PADI2: variants seen among roughly 807,000 people sequenced by gnomAD.
PADI2 encodes protein-arginine deiminase type-2.
In PADI2, 70 loss-of-function variants were observed where a neutral mutation model predicts 81.1. The ratio of observed to expected loss-of-function variants is 0.86; its 90% CI spans 0.71 to 1.05. The LOEUF is 1.05. PADI2 is among the 50% of genes least tolerant of loss of function. PADI2 has a pLI of 0.00. For missense variants in PADI2, 853 were observed against 889.9 expected (o/e 0.96, Z 0.53); for synonymous variants, 338 against 358.0 (o/e 0.94, Z 0.63).
chr1:17,098,813 G>C (rs1053927738), intron 3 of PADI2, among the ~76,000 whole-genome samples: 5 of 152,232 alleles, frequency 3.3e-5, no homozygotes, highest in African/African-American at 4.8e-5. Context: ...CCCCTGCAAG[G>C]CTTCCCCCAA....
chr1:17,118,221 G>C (rs888805475), intron 1 of PADI2, among the ~76,000 whole-genome samples: 1 of 152,120 alleles, frequency 6.6e-6, no homozygotes, highest in Non-Finnish European at 1.5e-5. Flanking sequence ...GTGCCTCCGT[G>C]TGAGTTCAGC....
intron 13 of PADI2, 135 bp downstream of exon 13, chr1:17,074,721 C>T (rs1213669120): frequency 3.4e-6 from 2 of 594,454 alleles, no homozygotes; most frequent in East Asian, 2.9e-5. Context: ...ACCTCACAAA[C>T]CCCCGATCGG....
At chr1:17,112,523 T>TG (rs5772747) in intron 1 of PADI2, among the ~76,000 whole-genome samples, 1,760 of 145,714 alleles carry the variant, frequency 0.012, 35 homozygotes, top group African/African-American at 0.043. Context: ...TAGAGGAGTC[T>TG]GGGGGGGGGA....
chr1:17,109,790 C>G (rs1183921419), intron 1 of PADI2, among the ~76,000 whole-genome samples: 2 of 152,160 alleles, frequency 1.3e-5, no homozygotes, highest in Non-Finnish European at 2.9e-5. Flanking sequence ...CATGCCTGAC[C>G]CAGAGCCACT....
rs1176834487 is a variant in PADI2, at chr1:17,115,838, C to A, written c.92+3442G>T. Among the ~76,000 whole-genome samples, 1 of 152,250 alleles carries A rather than the reference C, an allele frequency of 6.6e-6. No homozygotes were observed. Among genetic ancestry groups the A allele is most frequent in the Non-Finnish European group, 1.5e-5 (1 of 68,040 alleles). On this transcript the variant is annotated intron_variant, in intron 1 of 15. Transcript: ENST00000375486. The surrounding 1 kb of genome is among the most constrained non-coding windows in gnomAD (Gnocchi z 4.1). ...AACAGCGAGTATCTTTAACAACAAT[C>A]ACAAAGTACAATTTCTAACAAACAC...
chr1:17,110,031 C>A (rs1931521049), intron 1 of PADI2, among the ~76,000 whole-genome samples: 1 of 152,200 alleles, frequency 6.6e-6, no homozygotes, highest in African/African-American at 2.4e-5. Context: ...TATTCCCCAG[C>A]ACCAGCCCTG....
chr1:17,117,594 C>G (rs550549144), intron 1 of PADI2, among the ~76,000 whole-genome samples: 1 of 152,226 alleles, frequency 6.6e-6, no homozygotes, highest in East Asian at 1.9e-4. Flanking sequence ...TAGAGGGAGG[C>G]TGAGTCCATA....
At chr1:17,117,294 T>G (rs761689627) in intron 1 of PADI2, among the ~76,000 whole-genome samples, 1 of 152,146 alleles carries the variant, frequency 6.6e-6, no homozygotes, top group Non-Finnish European at 1.5e-5. Context: ...CTTAATAATT[T>G]TTATATTGAT....
chr1:17,104,888 C>A lies in PADI2; in HGVS notation c.266G>T (p.Ser89Ile). The A allele has an allele frequency of 6.3e-7, 1 of 1,576,084 alleles. No homozygotes were observed. The change falls in exon 2 of 16, where the codon AGC becomes ATC. Residue 89 changes from serine (S) to isoleucine (I), a missense_variant. Ser to Ile is a moderately radical substitution (Grantham distance 142, BLOSUM62 -2). Transcript: ENST00000375486. Reference sequence around the variant, plus strand: ...TTCCCGCCGTGGTACCTTGTCACTGCTGGCCTCGGTGCTCGCCTGGCTCAT... The same window carrying A: ...TTCCCGCCGTGGTACCTTGTCACTGATGGCCTCGGTGCTCGCCTGGCTCAT... The part of the protein sequence containing the change: ...VTMSQASTEA[S>I]SDKVTVNYYD...
chr1:17,116,839 T>C (rs1335036392), intron 1 of PADI2, among the ~76,000 whole-genome samples: 1 of 152,174 alleles, frequency 6.6e-6, no homozygotes, highest in Non-Finnish European at 1.5e-5. Flanking sequence ...CCTCCTGTTA[T>C]CAATACTGGC....
chr1:17,085,913 T>C (rs1257777026), intron 7 of PADI2, among the ~76,000 whole-genome samples: 2 of 152,144 alleles, frequency 1.3e-5, no homozygotes, highest in Non-Finnish European at 2.9e-5. Context: ...GAAAGGTCTT[T>C]GTGATAGAGA....
At chr1:17,105,576 T>C (rs1203466853) in intron 1 of PADI2, among the ~76,000 whole-genome samples, 1 of 152,104 alleles carries the variant, frequency 6.6e-6, no homozygotes, top group East Asian at 1.9e-4. Flanking sequence ...GTGTTTTTAG[T>C]AGAGATGGGG....
At chr1:17,089,736 GC>G (rs1258447685) in intron 6 of PADI2, among the ~76,000 whole-genome samples, 3 of 152,176 alleles carry the variant, frequency 2.0e-5, no homozygotes, top group African/African-American at 7.2e-5. Flanking sequence ...CTGGCTCGGT[GC>G]AAACCCCACA....
rs764470165 is a variant in PADI2, at chr1:17,082,649, C to T, written c.1054G>A (p.Glu352Lys). The T allele has an allele frequency of 4.4e-6, 7 of 1,592,402 alleles. No homozygotes were observed. In the South Asian group the frequency reaches 6.7e-5, roughly 15 times the overall value. ...LNRGDRWIQDEIEFGYIEAPH... is the reference protein window; with the variant it reads ...LNRGDRWIQDKIEFGYIEAPH... Reference sequence around the variant, plus strand: ...GCCTCGATGTAGCCAAACTCAATTTCATCCTGCAGGGACACCAAGGAGAAC... The same window carrying T: ...GCCTCGATGTAGCCAAACTCAATTTTATCCTGCAGGGACACCAAGGAGAAC... The change falls in exon 10 of 16, where the codon GAA (glutamate) becomes AAA (lysine). Residue 352 changes from glutamate to lysine, a missense_variant. Transcript: ENST00000375486.
chr1:17,076,596 G>A (rs1191370872), intron 11 of PADI2, among the ~76,000 whole-genome samples: 1 of 151,040 alleles, frequency 6.6e-6, no homozygotes. Context: ...TTTGTTTTTT[G>A]TATTTTGAGA....
rs559526858 is a variant in PADI2 at position 17,071,556 on chromosome 1, G to T, written c.1550-65C>A. The T allele has an allele frequency of 3.1e-6, 4 of 1,301,454 alleles. No individual in the cohort carries two copies. In the African/African-American group the frequency reaches 5.8e-5, roughly 19 times the overall value. 80.6% of individuals were successfully genotyped at this position (1,301,454 alleles called of 1,614,324 possible). On this transcript the variant is annotated intron_variant, in intron 13 of 15. Coordinates refer to ENST00000375486, the MANE Select transcript of PADI2 (RefSeq NM_007365.3). ...TACCCAGGCTGAGTGTTCCCCTTTT[G>T]CCAAGATCCTCCAGGCCTGGGCTAA... is the stretch of plus-strand genomic sequence containing the variant.
At chr1:17,074,311 G>A (rs2078285561) in intron 13 of PADI2, among the ~76,000 whole-genome samples, 1 of 150,992 alleles carries the variant, frequency 6.6e-6, no homozygotes. Context: ...AGAATCGCTT[G>A]AACCTGGGAG....
intron 4 of PADI2, among the ~76,000 whole-genome samples, chr1:17,095,059 G>A (rs1196587291): frequency 6.6e-6 from 1 of 152,200 alleles, no homozygotes; most frequent in Non-Finnish European, 1.5e-5. Context: ...TACTTCGTAA[G>A]TACCCCTCTA....
At chr1:17,070,045 C>A (rs1197067970) in intron 15 of PADI2, 43 bp downstream of exon 15, 4 of 1,595,564 alleles carry the variant, frequency 2.5e-6, no homozygotes, top group Non-Finnish European at 3.4e-6. Context: ...TCTGGCTGCC[C>A]TGTACTGGCA....
Sources: gnomAD v4.1 joint callset for allele counts (sites outside exome capture counted in the v4.1 genomes callset) on GRCh38, gnomAD v4.1.1 for gene constraint, Gnocchi (gnomAD v3.1) non-coding constraint, MANE v1.5 for transcripts, NCBI Gene and HGNC (gene_info 2026-07-23, HGNC 2026-07-21) for gene names.